Variants in CPEB4 observed in about 807,000 individuals in gnomAD.
CPEB4 encodes the protein cytoplasmic polyadenylation element-binding protein 4.
CPEB4 carries 12 observed loss-of-function variants against 72.5 expected under a neutral mutation model. The observed-to-expected ratio is 0.17, with a 90% CI of 0.11 to 0.27. The LOEUF is 0.27. Ranked by LOEUF, CPEB4 falls within the 10% of genes least tolerant of loss-of-function variation. CPEB4 has a pLI of 1.00. For synonymous variants in CPEB4, 302 were observed against 326.3 expected (o/e 0.93, Z 0.80); for missense variants, 614 against 908.5 (o/e 0.68, Z 4.17).
intron 4 of CPEB4, 122 bp from the exon 5 acceptor site, chr5:173,944,845 T>C: frequency 1.2e-6 from 1 of 817,916 alleles, no homozygotes; most frequent in Non-Finnish European, 2.0e-6. Flanking sequence ...GTGTTTCTAT[T>C]ATTCAGTGAG....
At chr5:173,931,052 A>G (rs1247479354) in intron 2 of CPEB4, among the ~76,000 whole-genome samples, 1 of 151,982 alleles carries the variant, frequency 6.6e-6, no homozygotes, top group Non-Finnish European at 1.5e-5. Flanking sequence ...CCAGACTTCA[A>G]GTTTTGGATA....
intron 2 of CPEB4, among the ~76,000 whole-genome samples, chr5:173,922,492 A>G (rs1757107529): frequency 6.6e-6 from 1 of 152,166 alleles, no homozygotes; most frequent in African/African-American, 2.4e-5. Context: ...TGGCCTCCCA[A>G]AGTGCTGGGA....
At chr5:173,898,166 T>C (rs1272211537) in intron 1 of CPEB4, among the ~76,000 whole-genome samples, 1 of 152,166 alleles carries the variant, frequency 6.6e-6, no homozygotes, top group Non-Finnish European at 1.5e-5. Flanking sequence ...AGTTCCTCAG[T>C]ATTATATATT....
At position 173,958,340 on chromosome 5, in the gene CPEB4, A is replaced by C. The variant is rs575952624; in HGVS notation, c.*2203A>C. The C allele has an allele frequency of 6.5e-6, 1 of 152,794 alleles. No individual in the cohort carries two copies. Among genetic ancestry groups the C allele is most frequent in the South Asian group, 2.1e-4 (1 of 4,836 alleles). The allele number at this position is 152,794 out of a possible 1,614,324, so 9.5% of individuals were successfully genotyped here. On this transcript the variant is annotated 3_prime_UTR_variant, in exon 10 of 10. Coordinates refer to ENST00000265085, the MANE Select transcript of CPEB4 (RefSeq NM_030627.4). ...TAGGCACACTTTTCACTGACGGGAT[A>C]TCTCTTTATGCAATACCTCAATTTT...
At chr5:173,922,590 T>C (rs1279705898) in intron 2 of CPEB4, among the ~76,000 whole-genome samples, 5 of 152,238 alleles carry the variant, frequency 3.3e-5, no homozygotes, top group African/African-American at 1.2e-4. Context: ...TATTTTATCA[T>C]AATCTATGAA....
At chr5:173,943,002 G>GT (rs762789756) in intron 3 of CPEB4, 24 bp from the exon 4 acceptor site, 12 of 1,602,086 alleles carry the variant, frequency 7.5e-6, no homozygotes, top group Non-Finnish European at 1.7e-6. Flanking sequence ...TTTTGTTTTT[G>GT]TTTTTTTCTC....
intron 3 of CPEB4, among the ~76,000 whole-genome samples, chr5:173,939,781 C>G (rs1326000063): frequency 6.7e-6 from 1 of 149,680 alleles, no homozygotes; most frequent in Admixed American, 6.7e-5. Flanking sequence ...ATCTTGAATC[C>G]TGTTAGTTCT....
chr5:173,953,005 C>T (rs1758261131), intron 8 of CPEB4, 86 bp from the exon 9 acceptor site: 2 of 1,021,828 alleles, frequency 2.0e-6, no homozygotes, highest in Non-Finnish European at 2.9e-6. Flanking sequence ...GCTCAGAGTA[C>T]AGATGAATTG....
At chr5:173,937,130 T>C (rs1272099008) in intron 3 of CPEB4, among the ~76,000 whole-genome samples, 2 of 148,564 alleles carry the variant, frequency 1.3e-5, no homozygotes, top group African/African-American at 4.9e-5. Context: ...GTAGCCTCCA[T>C]CTCCCAGGTT....
At chr5:173,898,629 A>G (rs1200206507) in intron 1 of CPEB4, among the ~76,000 whole-genome samples, 2 of 152,242 alleles carry the variant, frequency 1.3e-5, no homozygotes, top group African/African-American at 2.4e-5. Context: ...ATATAGCACA[A>G]TTTCTTAAAA....
At chr5:173,905,019 A>AATAATGAT (rs1561608981) in intron 1 of CPEB4, among the ~76,000 whole-genome samples, 2 of 40,796 alleles carry the variant, frequency 4.9e-5, no homozygotes, top group African/African-American at 2.0e-4. Flanking sequence ...ATAATAATAA[A>AATAATGAT]AAAATGTAAC....
intron 3 of CPEB4, among the ~76,000 whole-genome samples, chr5:173,936,844 T>G (rs1336644422): frequency 6.6e-6 from 1 of 151,412 alleles, no homozygotes; most frequent in Non-Finnish European, 1.5e-5. Context: ...AACCTTTCAT[T>G]CTCCTGCTTT....
At chr5:173,907,252 C>T (rs1190308362) in intron 1 of CPEB4, among the ~76,000 whole-genome samples, 6 of 152,168 alleles carry the variant, frequency 3.9e-5, no homozygotes, top group South Asian at 4.2e-4. Flanking sequence ...GGCAACAGAG[C>T]GAGACTCCGT....
intron 2 of CPEB4, among the ~76,000 whole-genome samples, chr5:173,915,590 C>T (rs1756840588): frequency 6.6e-6 from 1 of 152,198 alleles, no homozygotes; most frequent in Non-Finnish European, 1.5e-5. Flanking sequence ...GCCTGAGCTA[C>T]AGGCTGATTT....
chr5:173,938,380 C>T (rs1432578954), intron 3 of CPEB4, among the ~76,000 whole-genome samples: 2 of 152,150 alleles, frequency 1.3e-5, no homozygotes, highest in African/African-American at 4.8e-5. Flanking sequence ...CATGTGCCAC[C>T]ACACCCAGCT....
At chr5:173,952,897 C>G (rs1355116273) in intron 8 of CPEB4, among the ~76,000 whole-genome samples, 194 bp from the exon 9 acceptor site, 1 of 152,128 alleles carries the variant, frequency 6.6e-6, no homozygotes, top group Non-Finnish European at 1.5e-5. Context: ...TAGAAAACAC[C>G]TAGCAACCCC....
chr5:173,951,707 A>G (rs1038347517), intron 7 of CPEB4, 117 bp from the exon 8 acceptor site: 3 of 642,932 alleles, frequency 4.7e-6, no homozygotes, highest in Non-Finnish European at 8.6e-6. Flanking sequence ...TCCCAGCTTT[A>G]TTGACTTGTA....
chr5:173,911,995 A>T (rs1756682184), intron 2 of CPEB4, among the ~76,000 whole-genome samples: 1 of 152,044 alleles, frequency 6.6e-6, no homozygotes, highest in South Asian at 2.1e-4. Flanking sequence ...TAATGAAGAA[A>T]GCTTTTAGGT....
chr5:173,946,123 AT>A (rs1418183882), intron 5 of CPEB4, among the ~76,000 whole-genome samples: 1 of 152,194 alleles, frequency 6.6e-6, no homozygotes, highest in Admixed American at 6.5e-5. Context: ...CTTCAAGATG[AT>A]TTATCTTTTG....
Sources: allele counts gnomAD v4.1 joint callset (sites outside exome capture counted in the v4.1 genomes callset), GRCh38; gene constraint gnomAD v4.1.1; transcripts MANE v1.5; gene names NCBI Gene and HGNC (gene_info 2026-07-23, HGNC 2026-07-21).